Variants in PTPRD observed in about 807,000 individuals in gnomAD.
PTPRD encodes the protein protein tyrosine phosphatase receptor type D.
PTPRD carries 34 observed loss-of-function variants against 214.5 expected under a neutral mutation model. The ratio of observed to expected loss-of-function variants is 0.16; its 90% CI spans 0.12 to 0.21. The LOEUF (loss-of-function observed/expected upper bound fraction) is 0.21, where lower values mean the gene tolerates loss of function less well. Ranked by LOEUF, PTPRD falls within the 10% of genes least tolerant of loss-of-function variation. PTPRD has a pLI of 1.00. For missense variants in PTPRD, 2,545 were observed against 2,398.7 expected, an observed-to-expected ratio of 1.06 and a Z score of -1.27; for synonymous variants, 1,128 against 845.7, an observed-to-expected ratio of 1.33 and a Z score of -5.79.
intron 2 of PTPRD, among the ~76,000 whole-genome samples, chr9:10,533,822 C>G (rs2057083970): frequency 6.6e-6 from 1 of 151,698 alleles, no homozygotes; most frequent in South Asian, 2.1e-4. Context: ...ATACTTTCAT[C>G]TGAACACTAG....
At chr9:9,484,843 GT>G (rs1394417903) in intron 8 of PTPRD, among the ~76,000 whole-genome samples, 3 of 152,046 alleles carry the variant, frequency 2.0e-5, no homozygotes, top group Non-Finnish European at 4.4e-5. Context: ...TATATACCCG[GT>G]TTTTATTTTG....
chr9:9,024,338 G>GTTTTTTTTTTTTT (rs746383829), intron 10 of PTPRD, among the ~76,000 whole-genome samples: 11 of 61,326 alleles, frequency 1.8e-4, no homozygotes, highest in Non-Finnish European at 2.0e-4. Context: ...TCGATTCTTT[G>GTTTTTTTTTTTTT]TTTTTTTTTG....
At chr9:8,812,354 C>A (rs997684661) in intron 11 of PTPRD, among the ~76,000 whole-genome samples, 11 of 152,096 alleles carry the variant, frequency 7.2e-5, no homozygotes, top group African/African-American at 2.4e-4. Context: ...TAATGTCAGT[C>A]ATTCTTGGAT....
At chr9:8,766,772 G>A (rs892555427) in intron 11 of PTPRD, among the ~76,000 whole-genome samples, 20 of 152,234 alleles carry the variant, frequency 1.3e-4, no homozygotes, top group South Asian at 8.3e-4. Flanking sequence ...TTTCTTAAAT[G>A]TATATAAAGC....
intron 3 of PTPRD, among the ~76,000 whole-genome samples, chr9:10,319,240 T>C (rs1292272808): frequency 1.3e-5 from 2 of 152,228 alleles, no homozygotes; most frequent in Admixed American, 6.5e-5. Context: ...AATTACTTTC[T>C]GATTCTGTCT....
chr9:8,395,766 C>T (rs763389302), intron 36 of PTPRD, among the ~76,000 whole-genome samples: 5 of 151,970 alleles, frequency 3.3e-5, no homozygotes, highest in Non-Finnish European at 5.9e-5. Flanking sequence ...TCTTCCTCTA[C>T]TTGATTTTCC....
At chr9:9,958,511 A>G (rs2094126624) in intron 4 of PTPRD, among the ~76,000 whole-genome samples, 1 of 152,186 alleles carries the variant, frequency 6.6e-6, no homozygotes. Flanking sequence ...AGCCTGGGTG[A>G]CAAGAGCAAA....
chr9:10,473,957 G>T lies in PTPRD; in HGVS notation c.-599-132940C>A, dbSNP rs952333435. ...AGAAATGGGATTTTGTCACTACCAG[G>T]CCTGCTTTACAAGAGCTCCTGAAGG... is the stretch of plus-strand genomic sequence containing the variant. On this transcript the variant is annotated intron_variant, in intron 2 of 45. Coordinates refer to ENST00000381196, the MANE Select transcript of PTPRD (RefSeq NM_002839.4). 2.6e-5 allele frequency among the ~76,000 whole-genome samples: 4 copies of T among 151,986 alleles called. 1 individual carries two copies. The highest frequency in any genetic ancestry group is 2.6e-4 in the Admixed American group (4 of 15,226).
intron 2 of PTPRD, among the ~76,000 whole-genome samples, chr9:10,349,695 T>C (rs2097149884): frequency 6.6e-6 from 1 of 152,188 alleles, no homozygotes; most frequent in African/African-American, 2.4e-5. Context: ...AATTTAAAAA[T>C]AATCATTAAA....
chr9:9,387,840 T>C (rs1379808727), intron 9 of PTPRD, among the ~76,000 whole-genome samples: 1 of 152,046 alleles, frequency 6.6e-6, no homozygotes. Flanking sequence ...GTGGTAAAAA[T>C]GAATGTTTTT....
At chr9:8,449,921 C>G (rs1327450788) in intron 33 of PTPRD, 84 bp from the exon 34 acceptor site, 1 of 1,306,012 alleles carries the variant, frequency 7.7e-7, no homozygotes. Flanking sequence ...CCTGCACTCC[C>G]CCCACCTCCC....
At chr9:10,219,544 T>C (rs2099556280) in intron 3 of PTPRD, among the ~76,000 whole-genome samples, 1 of 151,854 alleles carries the variant, frequency 6.6e-6, no homozygotes, top group Admixed American at 6.6e-5. Flanking sequence ...GTTAACTCCT[T>C]CAGGGTAAAA....
intron 11 of PTPRD, among the ~76,000 whole-genome samples, chr9:8,758,852 A>G (rs977130312): frequency 6.6e-6 from 1 of 151,734 alleles, no homozygotes; most frequent in Non-Finnish European, 1.5e-5. Context: ...CGCTTGGCTA[A>G]TTTTTTGTAT....
In PTPRD at chr9:8,728,350, C is replaced by T. The variant is rs151029171; in HGVS notation, c.64+5430G>A. ...ATAATCTAAAACAAAAACAAAAAGA[C>T]ATTTTTATTTTACTTTCTAAGAATT... On this transcript the variant is annotated intron_variant, in intron 12 of 45. Transcript: ENST00000381196. Among the ~76,000 whole-genome samples the T allele has an allele frequency of 3.3e-3, 502 of 152,258 alleles. 3 individuals carry two copies. The highest frequency in any genetic ancestry group is 0.012 in the African/African-American group (491 of 41,562).
chr9:10,004,903 A>G (rs2096437695), intron 4 of PTPRD, among the ~76,000 whole-genome samples: 1 of 152,158 alleles, frequency 6.6e-6, no homozygotes, highest in African/African-American at 2.4e-5. Flanking sequence ...GACTGGCTCT[A>G]GCAAATTTTT....
At position 8,473,098 on chromosome 9, in the gene PTPRD, C is replaced by T. The variant is rs575663240; in HGVS notation, c.3414-2013G>A. On this transcript the variant is annotated intron_variant, in intron 30 of 45. Coordinates refer to ENST00000381196, the MANE Select transcript of PTPRD (RefSeq NM_002839.4). The stretch of plus-strand genomic sequence containing the variant: ...TATTCAGTAAGACTGCATGAAATTC[C>T]GTGAGCTGCAGGTTAAAGAGCTTGT... Among the ~76,000 whole-genome samples, 159 of 152,206 alleles carry T rather than the reference C, an allele frequency of 1.0e-3. 2 individuals carry two copies. The highest frequency in any genetic ancestry group is 3.4e-3 in the African/African-American group (143 of 41,522).
At chr9:8,927,660 A>G (rs551389368) in intron 11 of PTPRD, among the ~76,000 whole-genome samples, 2 of 152,334 alleles carry the variant, frequency 1.3e-5, no homozygotes, top group Admixed American at 1.3e-4. Flanking sequence ...CAGTGCTGCA[A>G]TAAACATATG....
At chr9:8,395,657 T>C (rs1395591588) in intron 36 of PTPRD, among the ~76,000 whole-genome samples, 1 of 152,096 alleles carries the variant, frequency 6.6e-6, no homozygotes, top group Non-Finnish European at 1.5e-5. Context: ...AGCATGCCTG[T>C]TCTGTGGGCA....
In PTPRD at chr9:10,060,903, T is replaced by TC. The variant is rs2097762844; in HGVS notation, c.-544-27114dup. 3.0e-4 allele frequency among the ~76,000 whole-genome samples: 18 copies of TC among 61,016 alleles called. 2 individuals carry two copies. The highest frequency in any genetic ancestry group is 2.3e-3 in the African/African-American group (15 of 6,598). 40.0% of individuals were successfully genotyped at this position (61,016 alleles called of 152,430 possible). A position where few individuals can be genotyped will look rare whatever the true frequency, so the allele number is the denominator to read the frequency against. On this transcript the variant is annotated intron_variant, in intron 3 of 45. Transcript: ENST00000381196. The stretch of plus-strand genomic sequence containing the variant: ...TTCCTTCCTTCCTTCCTTCCTTCTT[T>TC]CTTTCTTTCTTTCTTTCTTTCTTTC...
Sources: gnomAD v4.1 joint callset for allele counts (sites outside exome capture counted in the v4.1 genomes callset) on GRCh38, gnomAD v4.1.1 for gene constraint, MANE v1.5 for transcripts, NCBI Gene and HGNC (gene_info 2026-07-23, HGNC 2026-07-21) for gene names.